The following TTC8 variants were observed in gnomAD, a reference collection of about 807,000 sequenced individuals.
TTC8 encodes tetratricopeptide repeat protein 8.
TTC8 carries 47 observed loss-of-function variants against 72.5 expected under a neutral mutation model. The observed-to-expected ratio is 0.65, with a 90% CI of 0.51 to 0.83. TTC8 has a LOEUF of 0.83. Ranked by LOEUF, TTC8 falls within the 40% of genes least tolerant of loss-of-function variation. The pLI, the probability that TTC8 is intolerant of heterozygous loss-of-function variation, is 0.00. For missense variants in TTC8, 611 were observed against 623.2 expected, an observed-to-expected ratio of 0.98 and a Z score of 0.21; for synonymous variants, 199 against 221.4, an observed-to-expected ratio of 0.90 and a Z score of 0.90.
Position 88,871,770 on chromosome 14 carries a change from A to G in TTC8, c.1224+47A>G. The G allele has an allele frequency of 6.2e-7, 1 of 1,602,764 alleles. No individual in the cohort carries two copies. The highest frequency in any genetic ancestry group is 8.5e-7 in the Non-Finnish European group (1 of 1,170,338). ...ATTTCTGTTATAGAAAGTTGGTTTG[A>G]GCCAGACACAGTGGCTCATGCCTAT... On this transcript the variant is annotated intron_variant, in intron 12 of 14. Transcript: ENST00000380656. The surrounding 1 kb of genome is among the most constrained non-coding windows in gnomAD (Gnocchi z 4.1).
At chr14:88,876,453 C>T (rs1487239993) in intron 14 of TTC8, among the ~76,000 whole-genome samples, 1 of 152,116 alleles carries the variant, frequency 6.6e-6, no homozygotes, top group East Asian at 1.9e-4. Context: ...TCAAGATATA[C>T]TCAACTGTAA....
Position 88,871,414 on chromosome 14 carries a change from A to G in TTC8, c.1050-135A>G. The G allele has an allele frequency of 1.3e-6, 1 of 779,982 alleles. No homozygotes were observed. Among genetic ancestry groups the G allele is most frequent in the South Asian group, 1.6e-5 (1 of 61,482 alleles). 48.3% of individuals were successfully genotyped at this position (779,982 alleles called of 1,614,324 possible). A position where few individuals can be genotyped will look rare whatever the true frequency, so the allele number is the denominator to read the frequency against. Reference sequence around the variant, plus strand: ...TAAACATTTTTTCATTTACTATAACACGTATTTATATTCTTAAGGAGTATC... The same window carrying G: ...TAAACATTTTTTCATTTACTATAACGCGTATTTATATTCTTAAGGAGTATC... On this transcript the variant is annotated intron_variant, in intron 11 of 14. Coordinates refer to ENST00000380656, the MANE Select transcript of TTC8 (RefSeq NM_144596.4). This position sits in a 1 kb window ranked among gnomAD's most constrained non-coding sequence, Gnocchi z 4.1.
chr14:88,872,112 T>TA (rs2094936765), intron 12 of TTC8, among the ~76,000 whole-genome samples: 1 of 152,236 alleles, frequency 6.6e-6, no homozygotes, highest in African/African-American at 2.4e-5. Context: ...CATCCAGGTT[T>TA]GGCAGTAGTC....
intron 9 of TTC8, among the ~76,000 whole-genome samples, chr14:88,859,665 G>A (rs780344066): frequency 3.3e-5 from 5 of 151,838 alleles, no homozygotes; most frequent in Non-Finnish European, 7.4e-5. Flanking sequence ...GCTCATGCCT[G>A]TAATCCCAGC....
chr14:88,866,341 A>G (rs2094908998), intron 10 of TTC8, among the ~76,000 whole-genome samples: 2 of 151,846 alleles, frequency 1.3e-5, no homozygotes, highest in African/African-American at 2.4e-5. Context: ...GATTTCCTCA[A>G]ACTACACATT....
chr14:88,877,100 A>C (rs59462347), intron 14 of TTC8, among the ~76,000 whole-genome samples, 194 bp from the exon 15 acceptor site: 1 of 152,178 alleles, frequency 6.6e-6, no homozygotes, highest in Non-Finnish European at 1.5e-5. Context: ...TCTAAAATCA[A>C]AGTAGCATAA....
At chr14:88,847,346 C>G (rs1448533551) in intron 7 of TTC8, among the ~76,000 whole-genome samples, 1 of 152,076 alleles carries the variant, frequency 6.6e-6, no homozygotes, top group Non-Finnish European at 1.5e-5. Context: ...TGTTACCTGT[C>G]TCAATGAAAG....
At chr14:88,857,879 T>C (rs2094864453) in intron 9 of TTC8, among the ~76,000 whole-genome samples, 1 of 152,146 alleles carries the variant, frequency 6.6e-6, no homozygotes, top group Admixed American at 6.5e-5. Context: ...ATCCAGGTCT[T>C]TCTGACTCCA....
At chr14:88,863,642 G>A (rs1427176848) in intron 10 of TTC8, among the ~76,000 whole-genome samples, 1 of 152,222 alleles carries the variant, frequency 6.6e-6, no homozygotes, top group Non-Finnish European at 1.5e-5. Flanking sequence ...TCATATCAAT[G>A]TAGAGAACCA....
At chr14:88,864,965 CT>C (rs947348892) in intron 10 of TTC8, among the ~76,000 whole-genome samples, 9 of 152,044 alleles carry the variant, frequency 5.9e-5, no homozygotes, top group South Asian at 2.1e-4. Context: ...ATGTTCTCTT[CT>C]TTTTTTTATC....
At chr14:88,867,172 A>G (rs1354417404) in intron 10 of TTC8, among the ~76,000 whole-genome samples, 2 of 152,194 alleles carry the variant, frequency 1.3e-5, no homozygotes, top group Admixed American at 1.3e-4. Flanking sequence ...TGACCTGGCC[A>G]TATTACTTCT....
intron 1 of TTC8, among the ~76,000 whole-genome samples, chr14:88,829,556 T>C (rs569551649): frequency 2.4e-4 from 37 of 152,346 alleles, no homozygotes; most frequent in African/African-American, 6.7e-4. Flanking sequence ...AAAGACAATA[T>C]GCTTTCATTA....
intron 9 of TTC8, among the ~76,000 whole-genome samples, chr14:88,857,625 G>A (rs1030617943): frequency 3.3e-5 from 5 of 151,878 alleles, no homozygotes; most frequent in Non-Finnish European, 7.4e-5. Flanking sequence ...TAGAGAACAG[G>A]GACTGTTTTT....
chr14:88,863,528 C>T (rs1050389259), intron 10 of TTC8, among the ~76,000 whole-genome samples: 1 of 152,212 alleles, frequency 6.6e-6, no homozygotes, highest in African/African-American at 2.4e-5. Flanking sequence ...CACTGTTTAT[C>T]ACACAACAAA....
intron 13 of TTC8, among the ~76,000 whole-genome samples, chr14:88,872,913 G>C (rs899401890): frequency 6.6e-6 from 1 of 152,090 alleles, no homozygotes; most frequent in Non-Finnish European, 1.5e-5. Flanking sequence ...CCCTTCTTCA[G>C]ACTGCTCTCA....
In TTC8 at chr14:88,862,570, A is replaced by G. The variant is rs1178452885; in HGVS notation, c.909+1238A>G. 6.3e-5 allele frequency among the ~76,000 whole-genome samples: 4 copies of G among 63,080 alleles called. 1 individual carries two copies. Among genetic ancestry groups the G allele is most frequent in the African/African-American group, 2.7e-4 (4 of 14,762 alleles). 41.4% of individuals were successfully genotyped at this position (63,080 alleles called of 152,430 possible). ...TATATATATATATATATATATATAT[A>G]TATATATATATATATATATATATAT... On this transcript the variant is annotated intron_variant, in intron 10 of 14. Transcript: ENST00000380656.
At chr14:88,853,571 C>T (rs1374393079) in intron 8 of TTC8, among the ~76,000 whole-genome samples, 1 of 152,160 alleles carries the variant, frequency 6.6e-6, no homozygotes, top group African/African-American at 2.4e-5. Flanking sequence ...TTGAGCCTCA[C>T]AAAGATAAAG....
At chr14:88,850,154 A>G (rs963375629) in intron 7 of TTC8, among the ~76,000 whole-genome samples, 1 of 152,252 alleles carries the variant, frequency 6.6e-6, no homozygotes, top group Admixed American at 6.5e-5. Context: ...TTAAAGAAAT[A>G]TAGATCTGTC....
At chr14:88,829,106 G>T (rs1432739788) in intron 1 of TTC8, among the ~76,000 whole-genome samples, 2 of 152,150 alleles carry the variant, frequency 1.3e-5, no homozygotes, top group African/African-American at 4.8e-5. Context: ...ACACAGAATG[G>T]TGAGGGACAG....
Sources: allele counts gnomAD v4.1 joint callset (sites outside exome capture counted in the v4.1 genomes callset), GRCh38; gene constraint gnomAD v4.1.1; non-coding constraint Gnocchi (gnomAD v3.1); transcripts MANE v1.5; gene names NCBI Gene and HGNC (gene_info 2026-07-23, HGNC 2026-07-21).